MACROD2: variants seen among roughly 807,000 people sequenced by gnomAD.
MACROD2 encodes the protein mono-ADP ribosylhydrolase 2.
MACROD2 carries 36 observed loss-of-function variants against 70.4 expected under a neutral mutation model. The observed-to-expected ratio is 0.51, with a 90% CI of 0.39 to 0.68. The LOEUF is 0.68. Among genes scored for constraint, MACROD2 ranks in the 30% least tolerant of loss-of-function variants. The probability of loss-of-function intolerance (pLI) is 0.00; values close to 1 mark genes in which losing one functional copy is unlikely to be tolerated. For synonymous variants in MACROD2, 172 were observed against 178.8 expected (o/e 0.96, Z 0.30); for missense variants, 496 against 538.4 (o/e 0.92, Z 0.78).
intron 8 of MACROD2, among the ~76,000 whole-genome samples, chr20:15,645,243 G>A (rs1422478656): frequency 6.6e-6 from 1 of 152,190 alleles, no homozygotes; most frequent in Non-Finnish European, 1.5e-5. Flanking sequence ...CAATGACCCA[G>A]AGGCAAGAGG....
intron 6 of MACROD2, among the ~76,000 whole-genome samples, chr20:15,308,676 C>T (rs757775328): frequency 2.0e-5 from 3 of 152,166 alleles, no homozygotes; most frequent in Admixed American, 6.6e-5. Context: ...AGAAGTCCAA[C>T]TGAATTTCAT....
chr20:14,279,677 A>C (rs1327672912), intron 3 of MACROD2, among the ~76,000 whole-genome samples: 1 of 152,194 alleles, frequency 6.6e-6, no homozygotes, highest in Non-Finnish European at 1.5e-5. Context: ...TTGACTCTTC[A>C]TGATACTCTA....
intron 5 of MACROD2, among the ~76,000 whole-genome samples, chr20:15,178,753 T>C (rs562574140): frequency 2.0e-5 from 3 of 152,314 alleles, no homozygotes; most frequent in Admixed American, 6.5e-5. Context: ...ATGTTACAAA[T>C]GACCACTACA....
intron 8 of MACROD2, among the ~76,000 whole-genome samples, chr20:15,528,413 G>T (rs945232528): frequency 6.6e-6 from 1 of 152,224 alleles, no homozygotes; most frequent in Non-Finnish European, 1.5e-5. Flanking sequence ...GAGCCACTGC[G>T]CCTGGCCTGG....
intron 15 of MACROD2, among the ~76,000 whole-genome samples, chr20:16,023,656 C>G (rs918827806): frequency 1.3e-5 from 2 of 151,926 alleles, no homozygotes; most frequent in African/African-American, 4.8e-5. Flanking sequence ...CATGAGCAGA[C>G]TGTCATTGTT....
intron 5 of MACROD2, among the ~76,000 whole-genome samples, chr20:15,191,916 G>T: frequency 1.6e-5 from 1 of 63,416 alleles, no homozygotes; most frequent in Non-Finnish European, 3.2e-5. Flanking sequence ...ACACATATGT[G>T]TATATATATA....
chr20:15,425,663 T>C (rs1178578001), intron 6 of MACROD2, among the ~76,000 whole-genome samples: 1 of 152,194 alleles, frequency 6.6e-6, no homozygotes, highest in Non-Finnish European at 1.5e-5. Flanking sequence ...AAACTCTTCA[T>C]CTTTCTATTC....
intron 6 of MACROD2, among the ~76,000 whole-genome samples, chr20:15,422,683 G>A (rs1412241931): frequency 6.6e-6 from 1 of 152,170 alleles, no homozygotes; most frequent in African/African-American, 2.4e-5. Context: ...TCCAAACACT[G>A]TGAGGCATTC....
chr20:14,380,301 T>C (rs2083409312), intron 3 of MACROD2, among the ~76,000 whole-genome samples: 1 of 152,106 alleles, frequency 6.6e-6, no homozygotes, highest in Admixed American at 6.5e-5. Flanking sequence ...TTGGGTAGAG[T>C]TCTGGATATT....
intron 8 of MACROD2, among the ~76,000 whole-genome samples, chr20:15,744,964 TAAAAAC>T (rs2051161100): frequency 6.6e-6 from 1 of 152,194 alleles, no homozygotes; most frequent in African/African-American, 2.4e-5. Flanking sequence ...CAAAAAAAGA[TAAAAAC>T]TAAATACTAA....
chr20:14,062,976 C>T (rs535579647), intron 2 of MACROD2, among the ~76,000 whole-genome samples: 4 of 152,240 alleles, frequency 2.6e-5, no homozygotes, highest in South Asian at 2.1e-4. Context: ...TCCCTCAGCC[C>T]TACTGGTGAA....
chr20:14,412,070 T>C lies in MACROD2; in HGVS notation c.272-81409T>C, dbSNP rs1436028909. On this transcript the variant is annotated intron_variant, in intron 3 of 17. Transcript: ENST00000684519. ...CAAAACAAAATAGCAGTTTTCTTTC[T>C]GTGAAGAATTCTGTCTTCCTTTTAA... Among the ~76,000 whole-genome samples the C allele has an allele frequency of 5.9e-5, 9 of 152,200 alleles. 1 individual carries two copies. The highest frequency in any genetic ancestry group is 1.3e-4 in the Non-Finnish European group (9 of 68,038).
At chr20:15,075,742 G>A (rs2075652471) in intron 5 of MACROD2, among the ~76,000 whole-genome samples, 1 of 152,076 alleles carries the variant, frequency 6.6e-6, no homozygotes, top group African/African-American at 2.4e-5. Context: ...TCAAGCTCTG[G>A]TAAGAGGGTG....
intron 5 of MACROD2, among the ~76,000 whole-genome samples, chr20:14,862,713 ATATTTTTTTTT>A (rs2073384587): frequency 2.2e-5 from 2 of 92,096 alleles, no homozygotes; most frequent in African/African-American, 4.6e-5. Flanking sequence ...ATATATATAT[ATATTTTTTTTT>A]AATAGAGAGG....
At position 14,504,993 on chromosome 20, in the gene MACROD2, G is replaced by T. The variant is rs373014154; in HGVS notation, c.301+11485G>T. Among the ~76,000 whole-genome samples, 361 of 152,080 alleles carry T rather than the reference G, an allele frequency of 2.4e-3. 2 individuals carry two copies. Among genetic ancestry groups the T allele is most frequent in the African/African-American group, 8.3e-3 (344 of 41,494 alleles). On this transcript the variant is annotated intron_variant, in intron 4 of 17. Coordinates refer to ENST00000684519, the MANE Select transcript of MACROD2 (RefSeq NM_001351661.2). ...ATATATTATGGGCATTCTAAAATTT[G>T]TTTTTATTTTATTATTTTGCTAAGC... is the stretch of plus-strand genomic sequence containing the variant.
intron 5 of MACROD2, among the ~76,000 whole-genome samples, chr20:14,918,366 T>C (rs1209765624): frequency 7.2e-5 from 11 of 152,004 alleles, no homozygotes; most frequent in African/African-American, 1.9e-4. Context: ...CCAGAAGAGA[T>C]AGGAAGTAGC....
intron 3 of MACROD2, among the ~76,000 whole-genome samples, chr20:14,282,546 T>C (rs1040042432): frequency 7.9e-5 from 12 of 152,216 alleles, no homozygotes; most frequent in African/African-American, 2.9e-4. Context: ...AAGCCATCAA[T>C]GTTTTAAAGG....
chr20:15,933,492 G>A (rs1002607276), intron 11 of MACROD2, 154 bp downstream of exon 11: 58 of 595,142 alleles, frequency 9.7e-5, no homozygotes, highest in Non-Finnish European at 1.6e-4. Context: ...CACCATCTCC[G>A]ATAACTATGA....
intron 5 of MACROD2, among the ~76,000 whole-genome samples, chr20:14,981,643 T>TA (rs1251675360): frequency 6.6e-6 from 1 of 152,020 alleles, no homozygotes; most frequent in Admixed American, 6.6e-5. Flanking sequence ...CTGGTGGCTT[T>TA]AAAAATGGAA....
Sources: allele counts gnomAD v4.1 joint callset (sites outside exome capture counted in the v4.1 genomes callset), GRCh38; gene constraint gnomAD v4.1.1; transcripts MANE v1.5; gene names NCBI Gene and HGNC (gene_info 2026-07-23, HGNC 2026-07-21).